The following GRID2 variants were observed in gnomAD, a reference collection of about 807,000 sequenced individuals.
GRID2 encodes the protein glutamate ionotropic receptor delta type subunit 2.
GRID2 carries 33 observed loss-of-function variants against 114.8 expected under a neutral mutation model. The ratio of observed to expected loss-of-function variants is 0.29; its 90% confidence interval spans 0.22 to 0.38. The LOEUF (loss-of-function observed/expected upper bound fraction) is 0.38, where lower values mean the gene tolerates loss of function less well. GRID2 is among the 10% of genes least tolerant of loss of function. The pLI is 1.00. For missense variants in GRID2, 1,184 were observed against 1,257.7 expected (o/e 0.94, Z 0.89); for synonymous variants, 505 against 449.9 (o/e 1.12, Z -1.55).
intron 2 of GRID2, among the ~76,000 whole-genome samples, chr4:92,771,267 T>TCACAGA (rs1210184895): frequency 2.6e-5 from 4 of 152,198 alleles, no homozygotes; most frequent in Non-Finnish European, 5.9e-5. Flanking sequence ...TCTCTCATCG[T>TCACAGA]CACAGACACA....
In GRID2 at chr4:92,939,133, C is replaced by G. The variant is rs551777909; in HGVS notation, c.245-145862C>G. 2.9e-3 allele frequency among the ~76,000 whole-genome samples: 420 copies of G among 147,080 alleles called. 49 individuals are homozygous for G. Among genetic ancestry groups the G allele is most frequent in the Admixed American group, 5.9e-3 (81 of 13,718 alleles). On this transcript the variant is annotated intron_variant, in intron 2 of 15. Transcript: ENST00000282020. ...TTTCTAGTTCTAGATCCATGAGGAA[C>G]TGCTACACTGACTTCCACAATGGTT...
chr4:93,543,716 G>GAGAGAC (rs1234780667), intron 13 of GRID2, among the ~76,000 whole-genome samples: 1 of 141,664 alleles, frequency 7.1e-6, no homozygotes, highest in African/African-American at 2.6e-5. Flanking sequence ...GAGATAGAGA[G>GAGAGAC]AGAGAGAGAG....
At chr4:93,791,069 T>C (rs980848090) in intron 1 of GRID2, among the ~76,000 whole-genome samples, 2 of 152,206 alleles carry the variant, frequency 1.3e-5, no homozygotes, top group African/African-American at 4.8e-5. Context: ...GAGTGTAAAA[T>C]ACAATAAAAG....
intron 6 of GRID2, among the ~76,000 whole-genome samples, chr4:93,220,575 A>C (rs1366667317): frequency 1.3e-5 from 2 of 152,192 alleles, no homozygotes; most frequent in African/African-American, 4.8e-5. Context: ...CAAATATTCA[A>C]ACAAAATTGA....
chr4:93,094,100 C>T (rs906071159), intron 3 of GRID2, among the ~76,000 whole-genome samples: 1 of 151,830 alleles, frequency 6.6e-6, no homozygotes, highest in Non-Finnish European at 1.5e-5. Context: ...TATTTCCAAG[C>T]GTTGAAGAAT....
intron 14 of GRID2, among the ~76,000 whole-genome samples, chr4:93,684,450 C>G (rs1245849980): frequency 6.6e-6 from 1 of 152,026 alleles, no homozygotes; most frequent in East Asian, 1.9e-4. Context: ...TTACCATTGA[C>G]TACAAATGCT....
intron 7 of GRID2, among the ~76,000 whole-genome samples, chr4:93,228,402 A>G (rs1382284282): frequency 1.3e-5 from 2 of 152,188 alleles, no homozygotes; most frequent in African/African-American, 2.4e-5. Context: ...CAAAACTCTC[A>G]TGATCTATTT....
intron 13 of GRID2, among the ~76,000 whole-genome samples, chr4:93,533,902 C>A (rs1391056188): frequency 2.6e-5 from 4 of 152,090 alleles, no homozygotes; most frequent in Non-Finnish European, 4.4e-5. Context: ...TGGCTCCCCA[C>A]TCCATTCAAG....
rs761734253 is a variant in GRID2 at position 93,769,195 on chromosome 4, G to A, written c.2361-15G>A. On this transcript the variant is annotated splice_polypyrimidine_tract_variant and intron_variant, in intron 14 of 15. Transcript: ENST00000282020. ...TATGTCTGTAATAACACATGCTTAT[G>A]TTCTTTATCCCAAGGATCCTGGAGC... The A allele has an allele frequency of 1.2e-6, 2 of 1,613,404 alleles. No individual in the cohort carries two copies. Among genetic ancestry groups the A allele is most frequent in the Middle Eastern group, 1.7e-4 (1 of 6,060 alleles).
At chr4:92,599,750 T>G (rs994282919) in intron 2 of GRID2, among the ~76,000 whole-genome samples, 1 of 151,918 alleles carries the variant, frequency 6.6e-6, no homozygotes, top group Non-Finnish European at 1.5e-5. Context: ...TTCCAGGCCA[T>G]GCACCGTGGC....
intron 1 of GRID2, among the ~76,000 whole-genome samples, chr4:92,435,613 A>G (rs1307043409): frequency 3.3e-5 from 5 of 152,218 alleles, no homozygotes; most frequent in Admixed American, 6.5e-5. Flanking sequence ...TGTTGAGCCT[A>G]GAGAAGAAAA....
chr4:93,685,315 A>G (rs1445221897), intron 14 of GRID2, among the ~76,000 whole-genome samples: 1 of 151,928 alleles, frequency 6.6e-6, no homozygotes, highest in East Asian at 1.9e-4. Flanking sequence ...TGATCTTGGG[A>G]CTTGTCTTAT....
intron 1 of GRID2, among the ~76,000 whole-genome samples, chr4:92,377,782 A>G (rs1221473831): frequency 6.6e-6 from 1 of 152,148 alleles, no homozygotes; most frequent in Non-Finnish European, 1.5e-5. Flanking sequence ...ACCCCACCTT[A>G]TAAAACCATC....
chr4:93,338,743 T>A lies in GRID2; in HGVS notation c.1246-56864T>A, dbSNP rs1362101650. 2.6e-5 allele frequency among the ~76,000 whole-genome samples: 4 copies of A among 152,150 alleles called. No individual in the cohort carries two copies. In the East Asian group the frequency reaches 7.7e-4, roughly 29 times the overall value. The stretch of plus-strand genomic sequence containing the variant: ...ACTACTTTTTGATTTATCAGTTCTA[T>A]ACATTATCTTCTGATTTCCTGCAAT... On this transcript the variant is annotated intron_variant, in intron 8 of 15. Transcript: ENST00000282020.
intron 13 of GRID2, among the ~76,000 whole-genome samples, chr4:93,585,927 G>T (rs1321239143): frequency 6.6e-6 from 1 of 151,950 alleles, no homozygotes; most frequent in Admixed American, 6.6e-5. Context: ...AATTGTTCAT[G>T]TGTGCTAGAA....
At chr4:93,171,691 G>A (rs1355167666) in intron 4 of GRID2, among the ~76,000 whole-genome samples, 4 of 152,134 alleles carry the variant, frequency 2.6e-5, no homozygotes, top group Non-Finnish European at 4.4e-5. Context: ...AGAAAAGGAT[G>A]TCATGGAAAG....
intron 8 of GRID2, among the ~76,000 whole-genome samples, chr4:93,326,485 A>G (rs1442925660): frequency 6.6e-6 from 1 of 152,166 alleles, no homozygotes; most frequent in East Asian, 1.9e-4. Flanking sequence ...CAGAGAATCT[A>G]AAAATTGAGC....
intron 1 of GRID2, among the ~76,000 whole-genome samples, chr4:92,367,400 T>G (rs1254219878): frequency 1.3e-5 from 2 of 152,066 alleles, no homozygotes; most frequent in South Asian, 4.1e-4. Flanking sequence ...GGGGGTGGTC[T>G]GATTCTGAGA....
intron 8 of GRID2, among the ~76,000 whole-genome samples, chr4:93,382,324 C>T (rs1183447619): frequency 6.6e-6 from 1 of 152,006 alleles, no homozygotes; most frequent in African/African-American, 2.4e-5. Flanking sequence ...CAAATATCCT[C>T]TCTTCTTTTC....
Sources: allele counts gnomAD v4.1 joint callset (sites outside exome capture counted in the v4.1 genomes callset), GRCh38; gene constraint gnomAD v4.1.1; transcripts MANE v1.5; gene names NCBI Gene and HGNC (gene_info 2026-07-23, HGNC 2026-07-21).